The following FTO variants were observed in gnomAD, a reference collection of about 807,000 sequenced individuals.
FTO encodes FTO alpha-ketoglutarate dependent dioxygenase.
A neutral mutation model predicts 63.9 loss-of-function variants in FTO; 47 were observed. The ratio of observed to expected loss-of-function variants is 0.74; its 90% CI spans 0.58 to 0.94. FTO has a LOEUF of 0.94. Ranked by LOEUF, FTO falls within the 40% of genes least tolerant of loss-of-function variation. The pLI is 0.00. For synonymous variants in FTO, 207 were observed against 224.4 expected, an observed-to-expected ratio of 0.92 and a Z score of 0.69; for missense variants, 562 against 618.1, an observed-to-expected ratio of 0.91 and a Z score of 0.96.
At chr16:54,091,761 G>T (rs2086388980) in intron 8 of FTO, among the ~76,000 whole-genome samples, 1 of 152,170 alleles carries the variant, frequency 6.6e-6, no homozygotes, top group Non-Finnish European at 1.5e-5. Context: ...GAACCAGACT[G>T]CCTGGGTTCA....
intron 3 of FTO, among the ~76,000 whole-genome samples, chr16:53,842,802 T>C (rs1273370491): frequency 1.3e-5 from 2 of 152,098 alleles, no homozygotes; most frequent in East Asian, 3.9e-4. Context: ...GCCTCCTGAG[T>C]AGCTGGAGCC....
chr16:54,023,997 GTT>G (rs1394752930), intron 8 of FTO, among the ~76,000 whole-genome samples: 3 of 152,044 alleles, frequency 2.0e-5, no homozygotes, highest in Non-Finnish European at 2.9e-5. Context: ...CTGATAATGC[GTT>G]GTTTATATAC....
chr16:53,774,738 A>G (rs2077422444), intron 1 of FTO, among the ~76,000 whole-genome samples: 1 of 152,142 alleles, frequency 6.6e-6, no homozygotes, highest in South Asian at 2.1e-4. Flanking sequence ...CTGAAACAAT[A>G]TTACAGATTG....
At chr16:53,755,586 A>C (rs2076904004) in intron 1 of FTO, among the ~76,000 whole-genome samples, 1 of 152,188 alleles carries the variant, frequency 6.6e-6, no homozygotes, top group Non-Finnish European at 1.5e-5. Flanking sequence ...AAAACTTGGA[A>C]GTCTCCTTGT....
intron 4 of FTO, among the ~76,000 whole-genome samples, chr16:53,852,883 T>A (rs1193821458): frequency 6.6e-6 from 1 of 152,224 alleles, no homozygotes; most frequent in East Asian, 1.9e-4. Context: ...TATCACTAGA[T>A]GTTTCGTCAT....
At chr16:53,974,924 A>C (rs1436227393) in intron 8 of FTO, among the ~76,000 whole-genome samples, 1 of 152,226 alleles carries the variant, frequency 6.6e-6, no homozygotes, top group Non-Finnish European at 1.5e-5. Context: ...ATTACAACGT[A>C]TGCAGAGAAG....
At chr16:53,805,874 G>A (rs893204555) in intron 1 of FTO, among the ~76,000 whole-genome samples, 11 of 152,260 alleles carry the variant, frequency 7.2e-5, no homozygotes, top group African/African-American at 2.6e-4. Flanking sequence ...GAGGCTTCAC[G>A]CTCTCTCTGG....
chr16:54,058,935 T>C (rs2085506344), intron 8 of FTO, among the ~76,000 whole-genome samples: 1 of 152,232 alleles, frequency 6.6e-6, no homozygotes, highest in African/African-American at 2.4e-5. Flanking sequence ...AAGATGGACT[T>C]GTTTTATATA....
chr16:53,873,872 GTAAA>G lies in FTO; in HGVS notation c.975+12_975+15del. ...CACCCACCGAGTGGCAGAGGTAAGT[GTAAA>G]TAAAAATGTGATTCACACCTAATTG... is the stretch of plus-strand genomic sequence containing the variant. On this transcript the variant is annotated splice_region_variant and intron_variant, in intron 5 of 8. Transcript: ENST00000471389. 6.2e-7 allele frequency: 1 copy of G among 1,607,468 alleles called. No homozygotes were observed. Among genetic ancestry groups the G allele is most frequent in the Non-Finnish European group, 8.5e-7 (1 of 1,174,486 alleles).
intron 8 of FTO, among the ~76,000 whole-genome samples, chr16:53,972,548 T>C (rs1435491794): frequency 6.6e-6 from 1 of 152,246 alleles, no homozygotes; most frequent in Non-Finnish European, 1.5e-5. Flanking sequence ...ATTAACTAGT[T>C]CACCTCTGTG....
chr16:53,856,654 G>GTAGGAGAATCACTTGAACC (rs1555485995), intron 4 of FTO, among the ~76,000 whole-genome samples: 17 of 150,004 alleles, frequency 1.1e-4, no homozygotes, highest in African/African-American at 4.2e-4. Context: ...AGAGGCTGAG[G>GTAGGAGAATCACTTGAACC]CAGGAGAATC....
intron 3 of FTO, among the ~76,000 whole-genome samples, chr16:53,827,624 C>A (rs1368012230): frequency 6.6e-6 from 1 of 152,110 alleles, no homozygotes; most frequent in African/African-American, 2.4e-5. Context: ...CAAAAATTTC[C>A]TCAGAACTAC....
At chr16:53,738,278 T>C (rs1321832671) in intron 1 of FTO, among the ~76,000 whole-genome samples, 2 of 152,262 alleles carry the variant, frequency 1.3e-5, no homozygotes, top group East Asian at 1.9e-4. Context: ...CACCTCAGCT[T>C]CCCAAAGTGT....
At chr16:53,709,760 G>A (rs573369177) in intron 1 of FTO, among the ~76,000 whole-genome samples, 5 of 152,100 alleles carry the variant, frequency 3.3e-5, no homozygotes, top group East Asian at 3.9e-4. Context: ...TCTCTTTCTC[G>A]CCATATATAT....
intron 4 of FTO, among the ~76,000 whole-genome samples, chr16:53,847,036 A>G (rs2079643008): frequency 6.6e-6 from 1 of 152,230 alleles, no homozygotes; most frequent in African/African-American, 2.4e-5. Flanking sequence ...GTCTGGAATT[A>G]TAGTAGTAAT....
intron 8 of FTO, among the ~76,000 whole-genome samples, chr16:54,028,578 T>C (rs2084765780): frequency 1.3e-5 from 2 of 152,238 alleles, no homozygotes; most frequent in African/African-American, 4.8e-5. Flanking sequence ...ATTACAACTC[T>C]TTCCATGTCA....
At chr16:54,049,623 C>T (rs1430549644) in intron 8 of FTO, among the ~76,000 whole-genome samples, 5 of 152,178 alleles carry the variant, frequency 3.3e-5, no homozygotes, top group African/African-American at 1.2e-4. Context: ...GTCTTTGTAT[C>T]TTTGCATTTA....
At chr16:53,821,869 C>A (rs534640081) in intron 2 of FTO, among the ~76,000 whole-genome samples, 9 of 152,234 alleles carry the variant, frequency 5.9e-5, no homozygotes, top group African/African-American at 1.9e-4. Context: ...ATTTCTTGTC[C>A]ATTTTATGTA....
intron 7 of FTO, among the ~76,000 whole-genome samples, chr16:53,894,923 G>A (rs1297490494): frequency 1.3e-5 from 2 of 152,156 alleles, no homozygotes; most frequent in Non-Finnish European, 2.9e-5. Context: ...TCTGAAACTG[G>A]TGTGCAGGCA....
Sources: gnomAD v4.1 joint callset for allele counts (sites outside exome capture counted in the v4.1 genomes callset) on GRCh38, gnomAD v4.1.1 for gene constraint, MANE v1.5 for transcripts, NCBI Gene and HGNC (gene_info 2026-07-23, HGNC 2026-07-21) for gene names.